The following AAK1 variants were observed in gnomAD, a reference collection of about 807,000 sequenced individuals.
The protein encoded by AAK1 is AP2 associated kinase 1.
AAK1 carries 37 observed loss-of-function variants against 116.0 expected under a neutral mutation model. The ratio of observed to expected loss-of-function variants is 0.32; its 90% CI spans 0.25 to 0.42. The LOEUF is 0.42. AAK1 is among the 10% of genes least tolerant of loss of function. The pLI is 1.00. For synonymous variants in AAK1, 458 were observed against 439.9 expected (o/e 1.04, Z -0.51); for missense variants, 919 against 1,170.6 (o/e 0.79, Z 3.14).
In AAK1 at chr2:69,468,464, C is replaced by T. The variant is rs1460676452; in HGVS notation, c.*7405G>A. On this transcript the variant is annotated 3_prime_UTR_variant, in exon 22 of 22. Transcript: ENST00000409085. ...AAGTTTTCAGTTGCCAAAACAAAAG[C>T]ACAATTTCTCATCTTCCAAAACTAC... is the stretch of plus-strand genomic sequence containing the variant. 1.5e-5 allele frequency: 15 copies of T among 985,244 alleles called. No homozygotes were observed. Among genetic ancestry groups the T allele is most frequent in the Non-Finnish European group, 1.8e-5 (15 of 829,914 alleles). The allele number at this position is 985,244 out of a possible 1,614,324, so 61.0% of individuals were successfully genotyped here.
intron 4 of AAK1, among the ~76,000 whole-genome samples, chr2:69,543,653 G>A (rs1670814572): frequency 2.6e-5 from 4 of 152,120 alleles, no homozygotes; most frequent in Admixed American, 2.0e-4. Flanking sequence ...TGATCCACCC[G>A]CCTTGGCCTC....
Position 69,463,569 on chromosome 2 carries a change from T to A in AAK1, c.*12300A>T, listed in dbSNP as rs1674395607. 6.6e-6 allele frequency: 1 copy of A among 152,276 alleles called. No homozygotes were observed. The highest frequency in any genetic ancestry group is 1.5e-5 in the Non-Finnish European group (1 of 68,096). 9.4% of individuals were successfully genotyped at this position (152,276 alleles called of 1,614,324 possible). On this transcript the variant is annotated 3_prime_UTR_variant, in exon 22 of 22. Coordinates refer to ENST00000409085, the MANE Select transcript of AAK1 (RefSeq NM_014911.5). Reference sequence around the variant, plus strand: ...CTCTGTCGCCCAGGCCAGAGTGCAGTGGCGCAATCTCTGCTCACTGCAACC... The same window carrying A: ...CTCTGTCGCCCAGGCCAGAGTGCAGAGGCGCAATCTCTGCTCACTGCAACC...
chr2:69,525,341 T>G (rs560051543), intron 9 of AAK1, among the ~76,000 whole-genome samples: 1 of 151,952 alleles, frequency 6.6e-6, no homozygotes, highest in Admixed American at 6.6e-5. Context: ...GAGGAGAGAG[T>G]AGCTTGTGTG....
At chr2:69,542,444 C>G in intron 5 of AAK1, 79 bp downstream of exon 5, 2 of 1,524,448 alleles carry the variant, frequency 1.3e-6, no homozygotes, top group Non-Finnish European at 1.8e-6. Flanking sequence ...CTCTCATATC[C>G]CCACAGTATC....
At chr2:69,631,463 ATC>A (rs1450465210) in intron 2 of AAK1, among the ~76,000 whole-genome samples, 2 of 152,202 alleles carry the variant, frequency 1.3e-5, no homozygotes, top group East Asian at 1.9e-4. Flanking sequence ...TGGTCCAATA[ATC>A]TCTGTTTTTT....
intron 2 of AAK1, among the ~76,000 whole-genome samples, chr2:69,603,014 A>G (rs1673645860): frequency 6.6e-6 from 1 of 152,200 alleles, no homozygotes; most frequent in African/African-American, 2.4e-5. Flanking sequence ...ACCATGGCAA[A>G]ATCAAGTTGG....
intron 19 of AAK1, among the ~76,000 whole-genome samples, chr2:69,480,470 C>T (rs1037061293): frequency 3.9e-5 from 6 of 152,042 alleles, no homozygotes; most frequent in Non-Finnish European, 8.8e-5. Flanking sequence ...ATGAGCTCCA[C>T]GGACATCACT....
intron 16 of AAK1, among the ~76,000 whole-genome samples, chr2:69,499,634 G>C (rs1410753096): frequency 6.6e-6 from 1 of 152,092 alleles, no homozygotes; most frequent in East Asian, 1.9e-4. Flanking sequence ...TGTTATTAAA[G>C]TGGGTTTTAA....
chr2:69,597,180 GC>G (rs1438200346), intron 2 of AAK1, among the ~76,000 whole-genome samples: 1 of 150,584 alleles, frequency 6.6e-6, no homozygotes, highest in Non-Finnish European at 1.5e-5. Flanking sequence ...AGAATTTCAA[GC>G]CAATCTGAGA....
intron 2 of AAK1, among the ~76,000 whole-genome samples, chr2:69,608,119 T>C (rs1191393252): frequency 6.6e-6 from 1 of 152,192 alleles, no homozygotes; most frequent in East Asian, 1.9e-4. Flanking sequence ...TAAGAAGCAA[T>C]GTGTCCTGGC....
intron 5 of AAK1, 120 bp from the exon 6 acceptor site, chr2:69,532,282 G>C (rs929152311): frequency 1.1e-5 from 14 of 1,261,112 alleles, no homozygotes; most frequent in Admixed American, 8.5e-5. Context: ...ATGTGCACAG[G>C]GAAGTTATTC....
At chr2:69,510,247 CG>C (rs1676342871) in intron 13 of AAK1, among the ~76,000 whole-genome samples, 1 of 151,898 alleles carries the variant, frequency 6.6e-6, no homozygotes, top group African/African-American at 2.4e-5. Context: ...TCCCTCTTTG[CG>C]TCCATGAGTT....
intron 2 of AAK1, among the ~76,000 whole-genome samples, chr2:69,609,425 T>C (rs375578099): frequency 6.6e-6 from 1 of 151,356 alleles, no homozygotes; most frequent in East Asian, 1.9e-4. Context: ...CTCAGGCCTG[T>C]AATCCCAGCA....
Position 69,471,405 on chromosome 2 carries a change from A to C in AAK1, c.*4464T>G. On this transcript the variant is annotated 3_prime_UTR_variant, in exon 22 of 22. Transcript: ENST00000409085. ...AACTTCAGAAACATTACTAATGTGG[A>C]AAAAGAAAAGGCTGACTTTGTGTTG... The C allele has an allele frequency of 1.0e-6, 1 of 985,468 alleles. No individual in the cohort carries two copies. Among genetic ancestry groups the C allele is most frequent in the South Asian group, 4.7e-5 (1 of 21,288 alleles). 61.0% of individuals were successfully genotyped at this position (985,468 alleles called of 1,614,324 possible). A position where few individuals can be genotyped will look rare whatever the true frequency, so the allele number is the denominator to read the frequency against.
chr2:69,631,850 C>T (rs183074271), intron 2 of AAK1, among the ~76,000 whole-genome samples: 30 of 152,102 alleles, frequency 2.0e-4, no homozygotes, highest in Admixed American at 3.9e-4. Context: ...TGTGGTGGTG[C>T]GCACCTGTGG....
In AAK1 at chr2:69,467,179, C is replaced by A. The variant is rs902603245; in HGVS notation, c.*8690G>T. The stretch of plus-strand genomic sequence containing the variant: ...ATCAAAATCAGACCAAATAAATCAC[C>A]TTCAGCTGGAGTTGCCCCAGAATTT... On this transcript the variant is annotated 3_prime_UTR_variant, in exon 22 of 22. Transcript: ENST00000409085. The A allele has an allele frequency of 1.0e-6, 1 of 985,306 alleles. No individual in the cohort carries two copies. Among genetic ancestry groups the A allele is most frequent in the African/African-American group, 1.7e-5 (1 of 57,240 alleles). 61.0% of individuals were successfully genotyped at this position (985,306 alleles called of 1,614,324 possible).
At chr2:69,578,122 C>T (rs1425394603) in intron 2 of AAK1, among the ~76,000 whole-genome samples, 1 of 152,084 alleles carries the variant, frequency 6.6e-6, no homozygotes, top group Non-Finnish European at 1.5e-5. Context: ...ACTACGAGTC[C>T]AGGGCTTTAG....
intron 21 of AAK1, 108 bp from the exon 22 acceptor site, chr2:69,476,071 A>C (rs1466898300): frequency 2.2e-5 from 32 of 1,469,366 alleles, no homozygotes; most frequent in Non-Finnish European, 2.9e-5. Context: ...CCAAAACAAA[A>C]AAAAACCAAA....
chr2:69,475,542 G>A lies in AAK1; in HGVS notation c.*327C>T, dbSNP rs1674822999. The A allele has an allele frequency of 9.3e-7, 1 of 1,074,592 alleles. No homozygotes were observed. The highest frequency in any genetic ancestry group is 1.1e-6 in the Non-Finnish European group (1 of 886,112). The allele number at this position is 1,074,592 out of a possible 1,614,324, so 66.6% of individuals were successfully genotyped here. A position where few individuals can be genotyped will look rare whatever the true frequency, so the allele number is the denominator to read the frequency against. ...CAAAAGTGTCAATTCACTAGTTTCAGTTACAGTTAAGCTTTTGGTGGAGTT... is the reference window on the plus strand; with the variant it reads ...CAAAAGTGTCAATTCACTAGTTTCAATTACAGTTAAGCTTTTGGTGGAGTT... On this transcript the variant is annotated 3_prime_UTR_variant, in exon 22 of 22. Coordinates refer to ENST00000409085, the MANE Select transcript of AAK1 (RefSeq NM_014911.5).
Sources: allele counts gnomAD v4.1 joint callset (sites outside exome capture counted in the v4.1 genomes callset), GRCh38; gene constraint gnomAD v4.1.1; transcripts MANE v1.5; gene names NCBI Gene and HGNC (gene_info 2026-07-23, HGNC 2026-07-21).